The following SEM1 variants were observed in gnomAD, a reference collection of about 807,000 sequenced individuals.
SEM1 encodes SEM1 26S proteasome subunit.
In SEM1, 3 loss-of-function variants were observed where a neutral mutation model predicts 12.7. That is an observed-to-expected ratio of 0.24 (90% confidence interval 0.11 to 0.61). SEM1 has a LOEUF of 0.61. Among genes scored for constraint, SEM1 ranks in the 20% least tolerant of loss-of-function variants. SEM1 has a pLI of 0.88. For synonymous variants in SEM1, 30 were observed against 27.8 expected, an observed-to-expected ratio of 1.08 and a Z score of -0.25; for missense variants, 59 against 81.3, an observed-to-expected ratio of 0.73 and a Z score of 1.06.
intron 2 of SEM1, among the ~76,000 whole-genome samples, chr7:96,512,618 A>G (rs776584792): frequency 2.0e-5 from 3 of 152,292 alleles, no homozygotes; most frequent in Admixed American, 6.5e-5. Context: ...AAGCTCTCAC[A>G]GGAGCTACAA....
At chr7:96,496,386 T>TA, upstream of SEM1, 1 of 981,478 alleles carries the variant, frequency 1.0e-6, no homozygotes, top group Non-Finnish European at 1.5e-6. Context: ...TAAAAGAGTG[T>TA]AAAGCCAAAC....
intron 2 of SEM1, among the ~76,000 whole-genome samples, chr7:96,589,259 G>A (rs748674142): frequency 2.8e-4 from 42 of 152,082 alleles, no homozygotes; most frequent in Non-Finnish European, 2.5e-4. Flanking sequence ...ACAGAGTGGC[G>A]CCTGCTACCA....
intron 2 of SEM1, among the ~76,000 whole-genome samples, chr7:96,607,781 C>T (rs996210598): frequency 6.6e-6 from 1 of 152,106 alleles, no homozygotes; most frequent in East Asian, 1.9e-4. Flanking sequence ...CTTTCCTTTC[C>T]AATGGGATTT....
At chr7:96,501,702 T>C (rs908120158) in intron 3 of SEM1, among the ~76,000 whole-genome samples, 47 of 152,182 alleles carry the variant, frequency 3.1e-4, no homozygotes, top group African/African-American at 1.1e-3. Context: ...CAAAACATAC[T>C]AAGTGCTTTA....
intron 2 of SEM1, among the ~76,000 whole-genome samples, chr7:96,509,948 A>C (rs1056100522): frequency 1.3e-5 from 2 of 152,164 alleles, no homozygotes; most frequent in South Asian, 4.1e-4. Flanking sequence ...CAGCTGGAAT[A>C]GATGAAAATG....
chr7:96,653,425 T>C (rs1809065916), intron 2 of SEM1, among the ~76,000 whole-genome samples: 2 of 152,134 alleles, frequency 1.3e-5, no homozygotes, highest in Non-Finnish European at 2.9e-5. Flanking sequence ...ACCAGACACA[T>C]AAACAAATAA....
intron 2 of SEM1, among the ~76,000 whole-genome samples, chr7:96,638,262 G>A (rs148992719): frequency 1.3e-5 from 2 of 151,782 alleles, no homozygotes; most frequent in Non-Finnish European, 2.9e-5. Context: ...TTCCACACTC[G>A]CTTTGCTCTG....
chr7:96,555,262 T>C (rs1323367734), intron 2 of SEM1, among the ~76,000 whole-genome samples: 2 of 152,264 alleles, frequency 1.3e-5, no homozygotes, highest in South Asian at 2.1e-4. Flanking sequence ...CTTGCTTTTC[T>C]AGTTCCTTTA....
intron 2 of SEM1, among the ~76,000 whole-genome samples, chr7:96,569,295 G>GAAAAAGAA (rs1805945059): frequency 6.6e-6 from 1 of 151,854 alleles, no homozygotes; most frequent in Admixed American, 6.6e-5. Flanking sequence ...CTTTTGAAAA[G>GAAAAAGAA]AAAAACCGTG....
At chr7:96,491,347 C>T (rs367904099) in intron 1 of SEM1, among the ~76,000 whole-genome samples, 1 of 152,306 alleles carries the variant, frequency 6.6e-6, no homozygotes, top group East Asian at 1.9e-4. Flanking sequence ...TCTTTCTTAA[C>T]CAGAGGCAGT....
intron 2 of SEM1, among the ~76,000 whole-genome samples, chr7:96,605,992 A>T (rs1807366480): frequency 6.6e-6 from 1 of 152,138 alleles, no homozygotes; most frequent in Admixed American, 6.6e-5. Flanking sequence ...TGGTGATCAG[A>T]TAAACTGCTG....
At chr7:96,512,711 T>C (rs538966387) in intron 2 of SEM1, among the ~76,000 whole-genome samples, 9 of 152,118 alleles carry the variant, frequency 5.9e-5, no homozygotes, top group Non-Finnish European at 1.3e-4. Context: ...CAAAGCCATG[T>C]GTCTTGTACA....
chr7:96,636,386 A>G (rs1298894824), intron 2 of SEM1, among the ~76,000 whole-genome samples: 1 of 152,006 alleles, frequency 6.6e-6, no homozygotes, highest in Non-Finnish European at 1.5e-5. Context: ...CTAGAGTGGT[A>G]AGGCAGAATC....
chr7:96,482,206 A>G (rs1802568420), exon 4 of SEM1: 1 of 152,156 alleles, frequency 6.6e-6, no homozygotes, highest in African/African-American at 2.4e-5. Flanking sequence ...CAGGGAAGAG[A>G]TACAGAGGCA....
upstream of SEM1, among the ~76,000 whole-genome samples, chr7:96,500,214 G>A (rs896514724): frequency 6.6e-6 from 1 of 151,804 alleles, no homozygotes; most frequent in Non-Finnish European, 1.5e-5. Context: ...ACCCAGGGCA[G>A]TCTTGAGAAT....
At chr7:96,654,898 G>A (rs1405472451) in intron 2 of SEM1, among the ~76,000 whole-genome samples, 1 of 152,240 alleles carries the variant, frequency 6.6e-6, no homozygotes, top group African/African-American at 2.4e-5. Flanking sequence ...ACAGGTGTAT[G>A]ATGTCGCAAG....
At chr7:96,604,897 CG>C (rs2116210433) in intron 2 of SEM1, among the ~76,000 whole-genome samples, 1 of 151,844 alleles carries the variant, frequency 6.6e-6, no homozygotes, top group South Asian at 2.1e-4. Flanking sequence ...CCAGCCTGGG[CG>C]AGACAGAGCA....
intron 2 of SEM1, among the ~76,000 whole-genome samples, chr7:96,551,211 G>C (rs1009831933): frequency 6.6e-6 from 1 of 152,102 alleles, no homozygotes; most frequent in Non-Finnish European, 1.5e-5. Context: ...TTTTGGCCAC[G>C]TTTACCAAAA....
intron 2 of SEM1, among the ~76,000 whole-genome samples, chr7:96,615,389 G>A (rs1807683584): frequency 6.6e-6 from 1 of 151,656 alleles, no homozygotes; most frequent in African/African-American, 2.4e-5. Context: ...AGTAATCCTG[G>A]GATTACAGGC....
Sources: allele counts gnomAD v4.1 joint callset (sites outside exome capture counted in the v4.1 genomes callset), GRCh38; gene constraint gnomAD v4.1.1; transcripts MANE v1.5; gene names NCBI Gene and HGNC (gene_info 2026-07-23, HGNC 2026-07-21).